TOM1L1: variants seen among roughly 807,000 people sequenced by gnomAD.
TOM1L1 encodes TOM1-like protein 1.
In TOM1L1, 64 loss-of-function variants were observed where a neutral mutation model predicts 63.4. That is an observed-to-expected ratio of 1.01 (90% CI 0.83 to 1.24). TOM1L1 has a LOEUF of 1.24. Ranked by LOEUF, TOM1L1 falls within the 50% of genes most tolerant of loss-of-function variation. The probability of loss-of-function intolerance (pLI) is 0.00; values close to 1 mark genes in which losing one functional copy is unlikely to be tolerated. For synonymous variants in TOM1L1, 166 were observed against 194.4 expected, an observed-to-expected ratio of 0.85 and a Z score of 1.22; for missense variants, 536 against 567.0, an observed-to-expected ratio of 0.95 and a Z score of 0.55.
intron 1 of TOM1L1, chr17:54,901,358 G>A (rs1033230754): frequency 6.0e-6 from 1 of 167,516 alleles, no homozygotes; most frequent in Admixed American, 6.1e-5. Flanking sequence ...CTTACTGTGA[G>A]GGGCAGGTCT....
chr17:54,950,228 G>A (rs2049195529), intron 14 of TOM1L1, 102 bp downstream of exon 14: 2 of 831,832 alleles, frequency 2.4e-6, no homozygotes, highest in East Asian at 2.7e-5. Flanking sequence ...TTAGGTCTTG[G>A]CAGAAATTGA....
intron 13 of TOM1L1, among the ~76,000 whole-genome samples, 193 bp downstream of exon 13, chr17:54,949,816 C>T (rs1221055757): frequency 6.6e-6 from 1 of 152,148 alleles, no homozygotes; most frequent in Non-Finnish European, 1.5e-5. Context: ...TTGTGTTAAA[C>T]TGAGTATTGT....
rs143997301 is a variant in TOM1L1 at position 54,945,530 on chromosome 17, G to T, written c.1131-1731G>T. On this transcript the variant is annotated intron_variant, in intron 11 of 15. Coordinates refer to ENST00000575882, the MANE Select transcript of TOM1L1 (RefSeq NM_005486.3). The stretch of plus-strand genomic sequence containing the variant: ...GTTGACCTGTGCCATTGTCTCATAG[G>T]TGTTTGGGGTCCTGTTTGTTTGTTT... 4.6e-3 allele frequency among the ~76,000 whole-genome samples: 702 copies of T among 152,248 alleles called. 7 individuals are homozygous for T. The highest frequency in any genetic ancestry group is 0.015 in the African/African-American group (640 of 41,542).
chr17:54,939,121 C>A, intron 11 of TOM1L1, 101 bp downstream of exon 11: 1 of 782,858 alleles, frequency 1.3e-6, no homozygotes, highest in South Asian at 2.3e-5. Flanking sequence ...CATCTGTAAT[C>A]CTAGCACTTT....
At chr17:54,914,378 A>G (rs1201857071) in intron 5 of TOM1L1, among the ~76,000 whole-genome samples, 1 of 152,064 alleles carries the variant, frequency 6.6e-6, no homozygotes, top group Non-Finnish European at 1.5e-5. Flanking sequence ...GTTAAAAAAA[A>G]AAAAAAAAGG....
chr17:54,903,454 C>G (rs2048359673), intron 1 of TOM1L1, among the ~76,000 whole-genome samples: 1 of 152,218 alleles, frequency 6.6e-6, no homozygotes, highest in Non-Finnish European at 1.5e-5. Flanking sequence ...GCTGGCCTGG[C>G]CTGGGCCTGT....
At chr17:54,928,215 T>TATAG (rs1241414450) in intron 7 of TOM1L1, among the ~76,000 whole-genome samples, 1 of 152,180 alleles carries the variant, frequency 6.6e-6, no homozygotes, top group African/African-American at 2.4e-5. Context: ...GTTGAGCTTC[T>TATAG]AGTGACACCC....
chr17:54,934,211 C>T (rs1325888661), intron 8 of TOM1L1, among the ~76,000 whole-genome samples: 2 of 152,152 alleles, frequency 1.3e-5, no homozygotes, highest in Admixed American at 1.3e-4. Flanking sequence ...TCTTGAGGCC[C>T]ACAAGGAGTT....
At chr17:54,939,413 CAG>C (rs59248681) in intron 11 of TOM1L1, among the ~76,000 whole-genome samples, 6,267 of 152,120 alleles carry the variant, frequency 0.041, 354 homozygotes, top group African/African-American at 0.12. Context: ...TGGGGAAGAA[CAG>C]GGGAAATACA....
At chr17:54,909,354 G>A (rs1400479478) in intron 3 of TOM1L1, among the ~76,000 whole-genome samples, 2 of 152,182 alleles carry the variant, frequency 1.3e-5, no homozygotes, top group Non-Finnish European at 2.9e-5. Flanking sequence ...TCCTAGGGGT[G>A]TCATCATAGA....
At chr17:54,919,802 A>ATT (rs34885580) in intron 7 of TOM1L1, among the ~76,000 whole-genome samples, 2 of 150,480 alleles carry the variant, frequency 1.3e-5, no homozygotes, top group African/African-American at 4.9e-5. Flanking sequence ...TTGACAAATA[A>ATT]TTTTTTTTTT....
intron 3 of TOM1L1, among the ~76,000 whole-genome samples, chr17:54,908,108 T>C (rs183869280): frequency 3.9e-5 from 6 of 152,166 alleles, no homozygotes; most frequent in Admixed American, 2.6e-4. Context: ...CCACCTCAGA[T>C]CTGTAGCTCC....
chr17:54,956,333 G>A (rs901982216), intron 14 of TOM1L1, among the ~76,000 whole-genome samples: 1 of 151,954 alleles, frequency 6.6e-6, no homozygotes, highest in Non-Finnish European at 1.5e-5. Context: ...GAGACAGAGT[G>A]TCACTCTGTC....
chr17:54,941,626 TC>T (rs751095887), intron 11 of TOM1L1, among the ~76,000 whole-genome samples: 31 of 152,194 alleles, frequency 2.0e-4, no homozygotes, highest in Non-Finnish European at 3.4e-4. Flanking sequence ...ACAGATAAAA[TC>T]CCATTACAAC....
intron 14 of TOM1L1, chr17:54,957,350 A>C (rs1283815993): frequency 6.6e-6 from 1 of 152,176 alleles, no homozygotes; most frequent in Admixed American, 6.5e-5. Context: ...GATAGAGTAG[A>C]TATATCACTG....
Position 54,915,780 on chromosome 17 carries a change from AAATG to A in TOM1L1, c.643_646del (p.Asn215CysfsTer3). The A allele has an allele frequency of 6.2e-7, 1 of 1,612,746 alleles. No individual in the cohort carries two copies. The highest frequency in any genetic ancestry group is 8.5e-7 in the Non-Finnish European group (1 of 1,179,470). On this transcript the variant is annotated frameshift_variant, in exon 7 of 16. Coordinates refer to ENST00000575882, the MANE Select transcript of TOM1L1 (RefSeq NM_005486.3). LOFTEE classifies it high-confidence loss of function. ...CTGCACAGTGAATTGGATATGGTGA[AAATG>A]AATGTGCGAGTGATGTCCGCCATAT...
rs767895416 is a variant in TOM1L1 at position 54,914,774 on chromosome 17, T to C, written c.603+31T>C. The stretch of plus-strand genomic sequence containing the variant: ...AACAACAATCATTGCATTTAATTGA[T>C]GTCTTTTCCTGATTTGTAAGCACCT... On this transcript the variant is annotated intron_variant, in intron 6 of 15. Coordinates refer to ENST00000575882, the MANE Select transcript of TOM1L1 (RefSeq NM_005486.3). The C allele has an allele frequency of 2.0e-6, 3 of 1,528,212 alleles. No individual in the cohort carries two copies. In the South Asian group the frequency reaches 3.4e-5, roughly 17 times the overall value. The allele number at this position is 1,528,212 out of a possible 1,614,324, so 94.7% of individuals were successfully genotyped here.
At chr17:54,916,157 T>A (rs2048585599) in intron 7 of TOM1L1, 1 of 413,744 alleles carries the variant, frequency 2.4e-6, no homozygotes, top group South Asian at 7.6e-5. Flanking sequence ...GCCTCTATTT[T>A]CATCCACTCA....
At chr17:54,933,668 G>A (rs554508521) in intron 8 of TOM1L1, among the ~76,000 whole-genome samples, 9 of 152,230 alleles carry the variant, frequency 5.9e-5, no homozygotes, top group Admixed American at 2.6e-4. Flanking sequence ...GACGACAAGC[G>A]TGTACCACCA....
Sources: allele counts gnomAD v4.1 joint callset (sites outside exome capture counted in the v4.1 genomes callset), GRCh38; gene constraint gnomAD v4.1.1; transcripts MANE v1.5; gene names NCBI Gene and HGNC (gene_info 2026-07-23, HGNC 2026-07-21).